GRIN2A: variants seen among roughly 807,000 people sequenced by gnomAD.
GRIN2A encodes glutamate ionotropic receptor NMDA type subunit 2A.
In GRIN2A, 22 loss-of-function variants were observed where a neutral mutation model predicts 113.4. The ratio of observed to expected loss-of-function variants is 0.19; its 90% CI spans 0.14 to 0.28. The LOEUF (loss-of-function observed/expected upper bound fraction) is 0.28. GRIN2A is among the 10% of genes least tolerant of loss of function. The pLI, the probability that GRIN2A is intolerant of heterozygous loss-of-function variation, is 1.00. For missense variants in GRIN2A, 1,502 were observed against 1,887.0 expected, an observed-to-expected ratio of 0.80 and a Z score of 3.78; for synonymous variants, 827 against 738.4, an observed-to-expected ratio of 1.12 and a Z score of -1.94.
intron 2 of GRIN2A, among the ~76,000 whole-genome samples, chr16:10,102,916 C>T (rs1030957290): frequency 7.2e-5 from 11 of 152,192 alleles, no homozygotes; most frequent in African/African-American, 1.7e-4. Context: ...CTCTGAGAGA[C>T]GTATCCCACT....
At chr16:9,940,416 C>A (rs1366149887) in intron 2 of GRIN2A, among the ~76,000 whole-genome samples, 2 of 152,096 alleles carry the variant, frequency 1.3e-5, no homozygotes, top group Non-Finnish European at 2.9e-5. Flanking sequence ...TTATTGTTTT[C>A]CCTACAGTAG....
intron 2 of GRIN2A, among the ~76,000 whole-genome samples, chr16:9,960,666 C>T (rs2045420612): frequency 6.6e-6 from 1 of 152,022 alleles, no homozygotes; most frequent in Admixed American, 6.5e-5. Context: ...GCTCTGTTAC[C>T]CAGGCTGGAG....
intron 3 of GRIN2A, among the ~76,000 whole-genome samples, chr16:9,907,948 G>C (rs2044059097): frequency 6.6e-6 from 1 of 152,182 alleles, no homozygotes; most frequent in African/African-American, 2.4e-5. Flanking sequence ...ACAGTGTCTG[G>C]CATGTGGTAG....
chr16:9,973,933 T>C (rs1047296095), intron 2 of GRIN2A, among the ~76,000 whole-genome samples: 9 of 152,160 alleles, frequency 5.9e-5, no homozygotes, highest in African/African-American at 1.9e-4. Context: ...TTCAAGCTGA[T>C]ACAAGAGAAA....
At chr16:10,135,962 A>G (rs1194607363) in intron 2 of GRIN2A, among the ~76,000 whole-genome samples, 2 of 152,208 alleles carry the variant, frequency 1.3e-5, no homozygotes, top group African/African-American at 4.8e-5. Flanking sequence ...TGTTGCATTC[A>G]TCATACTCCG....
chr16:10,164,330 G>A (rs766967381), intron 2 of GRIN2A, among the ~76,000 whole-genome samples: 5 of 152,352 alleles, frequency 3.3e-5, no homozygotes, highest in Admixed American at 6.5e-5. Flanking sequence ...ATATCTGTGC[G>A]TCAGGGAACT....
At chr16:9,823,821 A>T (rs989007372) in intron 9 of GRIN2A, among the ~76,000 whole-genome samples, 1 of 152,110 alleles carries the variant, frequency 6.6e-6, no homozygotes, top group Non-Finnish European at 1.5e-5. Flanking sequence ...TGAGGTCTTA[A>T]CTCTATCATT....
intron 2 of GRIN2A, among the ~76,000 whole-genome samples, chr16:10,027,856 G>A (rs566620405): frequency 3.6e-4 from 55 of 152,222 alleles, no homozygotes; most frequent in Non-Finnish European, 5.3e-4. Context: ...CTCCTCCCTC[G>A]TCCAAGGCAT....
chr16:10,048,659 T>C (rs901857313), intron 2 of GRIN2A, among the ~76,000 whole-genome samples: 6 of 152,212 alleles, frequency 3.9e-5, no homozygotes, highest in African/African-American at 1.4e-4. Flanking sequence ...AGCCCAGGTC[T>C]GTGCCCTCCA....
chr16:10,049,584 G>T (rs1001541388), intron 2 of GRIN2A, among the ~76,000 whole-genome samples: 1 of 152,008 alleles, frequency 6.6e-6, no homozygotes, highest in African/African-American at 2.4e-5. Context: ...TCACCATGTT[G>T]CCCAGGCTGG....
intron 4 of GRIN2A, among the ~76,000 whole-genome samples, chr16:9,854,299 C>G (rs2042932579): frequency 6.6e-6 from 1 of 152,050 alleles, no homozygotes; most frequent in Admixed American, 6.6e-5. Context: ...CCCCGAGACT[C>G]AGAGCCATTG....
chr16:9,932,376 T>C (rs999932856), intron 3 of GRIN2A, among the ~76,000 whole-genome samples: 1 of 152,156 alleles, frequency 6.6e-6, no homozygotes, highest in Non-Finnish European at 1.5e-5. Flanking sequence ...CATTTTTATT[T>C]TATTTTATTT....
At chr16:10,004,870 A>G (rs560840159) in intron 2 of GRIN2A, among the ~76,000 whole-genome samples, 3 of 152,320 alleles carry the variant, frequency 2.0e-5, no homozygotes, top group African/African-American at 7.2e-5. Context: ...AAGGTCAAGG[A>G]ATTAGAATAT....
At chr16:9,824,438 G>A (rs1393122748) in intron 9 of GRIN2A, among the ~76,000 whole-genome samples, 1 of 152,198 alleles carries the variant, frequency 6.6e-6, no homozygotes, top group East Asian at 1.9e-4. Context: ...ATCCGGAGAT[G>A]GCCTATTTGA....
chr16:10,177,589 C>A (rs182939807), intron 2 of GRIN2A, among the ~76,000 whole-genome samples: 1 of 152,324 alleles, frequency 6.6e-6, no homozygotes, highest in African/African-American at 2.4e-5. Flanking sequence ...CTTTTCTCAT[C>A]TTCCTCTTGC....
At chr16:10,126,793 T>C (rs889931688) in intron 2 of GRIN2A, among the ~76,000 whole-genome samples, 1 of 152,238 alleles carries the variant, frequency 6.6e-6, no homozygotes, top group African/African-American at 2.4e-5. Context: ...ATATGGTTTC[T>C]AGAACGTCTG....
At chr16:9,775,803 A>G (rs74008813) in intron 11 of GRIN2A, among the ~76,000 whole-genome samples, 3,164 of 152,298 alleles carry the variant, frequency 0.021, 97 homozygotes, top group African/African-American at 0.071. Flanking sequence ...ATGTTTCTCC[A>G]GTCATGGCCC....
intron 11 of GRIN2A, among the ~76,000 whole-genome samples, chr16:9,790,002 C>T (rs1012914540): frequency 2.0e-5 from 3 of 152,194 alleles, no homozygotes; most frequent in African/African-American, 7.2e-5. Flanking sequence ...GTCTACTGTT[C>T]TCCCATTAGC....
intron 2 of GRIN2A, among the ~76,000 whole-genome samples, chr16:10,067,494 G>T (rs1255509591): frequency 6.6e-6 from 1 of 152,214 alleles, no homozygotes; most frequent in Admixed American, 6.5e-5. Flanking sequence ...ATCAGGACAT[G>T]GGGCTGATAT....
Sources: allele counts gnomAD v4.1 joint callset (sites outside exome capture counted in the v4.1 genomes callset), GRCh38; gene constraint gnomAD v4.1.1; transcripts MANE v1.5; gene names NCBI Gene and HGNC (gene_info 2026-07-23, HGNC 2026-07-21).